Variants in CACHD1 observed in about 807,000 individuals in gnomAD.
The protein encoded by CACHD1 is VWFA and cache domain-containing protein 1.
A neutral mutation model predicts 138.7 loss-of-function variants in CACHD1; 71 were observed. The ratio of observed to expected loss-of-function variants is 0.51; its 90% confidence interval spans 0.42 to 0.62. CACHD1 has a LOEUF of 0.62. Ranked by LOEUF, CACHD1 falls within the 20% of genes least tolerant of loss-of-function variation. The pLI is 0.00. For synonymous variants in CACHD1, 578 were observed against 591.5 expected (o/e 0.98, Z 0.33); for missense variants, 1,389 against 1,625.3 (o/e 0.85, Z 2.50).
chr1:64,683,673 C>T (rs897377750), intron 26 of CACHD1, among the ~76,000 whole-genome samples: 1 of 152,164 alleles, frequency 6.6e-6, no homozygotes, highest in Non-Finnish European at 1.5e-5. Flanking sequence ...CATTTTTCTC[C>T]ATAATTGGAT....
chr1:64,589,761 C>T (rs751641876), intron 3 of CACHD1, among the ~76,000 whole-genome samples: 5 of 152,130 alleles, frequency 3.3e-5, no homozygotes, highest in Non-Finnish European at 5.9e-5. Flanking sequence ...TTAATCTCAT[C>T]TAAAACATTT....
chr1:64,658,723 A>C lies in CACHD1; in HGVS notation c.1801A>C (p.Ile601Leu), dbSNP rs768252455. 1.9e-6 allele frequency: 3 copies of C among 1,610,960 alleles called. No individual in the cohort carries two copies. Among genetic ancestry groups the C allele is most frequent in the African/African-American group, 2.7e-5 (2 of 74,884 alleles). ...AWKMVQDTSF[I>L]LCIVVIQPEI... Reference sequence around the variant, plus strand: ...TTTACAGGTACAAGACACTTCCTTTATTCTGTGTATTGTGGTGATACAACC... The same window carrying C: ...TTTACAGGTACAAGACACTTCCTTTCTTCTGTGTATTGTGGTGATACAACC... Residue 601 changes from isoleucine to leucine, a missense_variant, in exon 13 of 27, where the codon ATT (isoleucine) becomes CTT (leucine). Coordinates refer to ENST00000651257, the MANE Select transcript of CACHD1 (RefSeq NM_020925.4).
At chr1:64,668,326 CAAAA>C (rs531925361) in intron 16 of CACHD1, among the ~76,000 whole-genome samples, 3 of 87,706 alleles carry the variant, frequency 3.4e-5, no homozygotes, top group African/African-American at 8.9e-5. Context: ...GACTGCATCT[CAAAA>C]AAAAAAAAAA....
At chr1:64,475,663 C>T (rs1646170821) in intron 1 of CACHD1, among the ~76,000 whole-genome samples, 1 of 152,162 alleles carries the variant, frequency 6.6e-6, no homozygotes, top group South Asian at 2.1e-4. Flanking sequence ...TCTCCTGCCT[C>T]AGCCTCCTGA....
At chr1:64,502,867 A>C (rs531806285) in intron 1 of CACHD1, among the ~76,000 whole-genome samples, 6 of 152,326 alleles carry the variant, frequency 3.9e-5, no homozygotes, top group Admixed American at 6.5e-5. Context: ...AACTGAACGG[A>C]AAAAGGCTTT....
At chr1:64,484,407 C>A (rs1474230817) in intron 1 of CACHD1, among the ~76,000 whole-genome samples, 2 of 151,926 alleles carry the variant, frequency 1.3e-5, no homozygotes, top group African/African-American at 4.8e-5. Flanking sequence ...TGAAAGAAAG[C>A]CAGGCGGCTG....
intron 4 of CACHD1, among the ~76,000 whole-genome samples, chr1:64,629,090 T>A (rs1192611751): frequency 3.3e-5 from 5 of 152,208 alleles, no homozygotes; most frequent in Non-Finnish European, 1.5e-5. Context: ...ATGAATCATT[T>A]GTACTGGAAA....
At chr1:64,620,546 C>A (rs991642380) in intron 4 of CACHD1, among the ~76,000 whole-genome samples, 16 of 152,140 alleles carry the variant, frequency 1.1e-4, no homozygotes, top group Non-Finnish European at 1.9e-4. Flanking sequence ...TAACAATCCA[C>A]AGTGTACTTT....
chr1:64,479,433 G>A (rs1646196232), intron 1 of CACHD1, among the ~76,000 whole-genome samples: 1 of 152,216 alleles, frequency 6.6e-6, no homozygotes, highest in South Asian at 2.1e-4. Context: ...GTTAGTGAAA[G>A]AGTGGACCTC....
Position 64,673,229 on chromosome 1 carries a change from C to T in CACHD1, c.2582C>T (p.Pro861Leu). ...PTLIDPKGHA[P>L]VEQQHITHKE... The stretch of plus-strand genomic sequence containing the variant: ...CTCATCGACCCCAAAGGACATGCAC[C>T]TGTGGAGCAGCAGCACATCACCCAC... The change falls in exon 18 of 27, where the codon CCT becomes CTT. Residue 861 changes from proline (P) to leucine (L), a missense_variant. Physicochemically the swap from Pro to Leu is moderately conservative, Grantham distance 98. Transcript: ENST00000651257. 1 of 1,614,064 alleles carries T rather than the reference C, an allele frequency of 6.2e-7. No individual in the cohort carries two copies. The highest frequency in any genetic ancestry group is 8.5e-7 in the Non-Finnish European group (1 of 1,179,998).
chr1:64,567,792 A>T (rs1646894205), intron 2 of CACHD1, among the ~76,000 whole-genome samples: 1 of 152,224 alleles, frequency 6.6e-6, no homozygotes, highest in Admixed American at 6.5e-5. Context: ...ACATCAGCTG[A>T]TATAAGATAA....
At chr1:64,476,498 T>C (rs1021220343) in intron 1 of CACHD1, among the ~76,000 whole-genome samples, 16 of 152,346 alleles carry the variant, frequency 1.1e-4, no homozygotes, top group African/African-American at 3.6e-4. Flanking sequence ...TATATGCAAA[T>C]AATGTGATTT....
intron 16 of CACHD1, among the ~76,000 whole-genome samples, chr1:64,666,602 T>A (rs946031414): frequency 6.6e-6 from 1 of 151,746 alleles, no homozygotes; most frequent in African/African-American, 2.4e-5. Flanking sequence ...ACGGGGTGGG[T>A]TCATTGGCTC....
intron 24 of CACHD1, among the ~76,000 whole-genome samples, chr1:64,680,714 A>C (rs895594997): frequency 2.0e-5 from 3 of 152,180 alleles, no homozygotes; most frequent in Non-Finnish European, 4.4e-5. Flanking sequence ...CTGGCCACTT[A>C]GCTCACTCTA....
At position 64,654,714 on chromosome 1, in the gene CACHD1, G is replaced by A. The variant is rs1649207397; in HGVS notation, c.1693G>A (p.Val565Ile). Reference sequence around the variant, plus strand: ...CCCTCTGGGCAGCCAGATTATCGCAGTCCCTGTGAACTCATCCCTGTCTTG... The same window carrying A: ...CCCTCTGGGCAGCCAGATTATCGCAATCCCTGTGAACTCATCCCTGTCTTG... The part of the protein sequence containing the change: ...SLPLGSQIIA[V>I]PVNSSLSWHI... Residue 565 changes from valine (V) to isoleucine (I), a missense_variant, in exon 12 of 27, where the codon GTC becomes ATC. By Grantham distance (29) the Val-to-Ile change is conservative (BLOSUM62 3). Coordinates refer to ENST00000651257, the MANE Select transcript of CACHD1 (RefSeq NM_020925.4). The A allele has an allele frequency of 6.2e-7, 1 of 1,613,654 alleles. No homozygotes were observed. The highest frequency in any genetic ancestry group is 1.3e-5 in the African/African-American group (1 of 74,886).
At chr1:64,678,940 G>A (rs1650081486) in intron 23 of CACHD1, among the ~76,000 whole-genome samples, 1 of 152,098 alleles carries the variant, frequency 6.6e-6, no homozygotes, top group South Asian at 2.1e-4. Context: ...TGGCAGTAGA[G>A]TCAAATATTT....
intron 1 of CACHD1, among the ~76,000 whole-genome samples, chr1:64,514,292 T>C (rs981557733): frequency 5.3e-5 from 8 of 152,318 alleles, no homozygotes; most frequent in African/African-American, 1.9e-4. Flanking sequence ...CAGAGTGATT[T>C]ATCACTTGTT....
intron 7 of CACHD1, among the ~76,000 whole-genome samples, chr1:64,637,041 T>C (rs1020364620): frequency 1.3e-5 from 2 of 152,184 alleles, no homozygotes; most frequent in African/African-American, 4.8e-5. Flanking sequence ...CTTGGTTCAG[T>C]AAGGTCAGTT....
chr1:64,686,734 T>C (rs1488398280), intron 26 of CACHD1, among the ~76,000 whole-genome samples: 2 of 152,264 alleles, frequency 1.3e-5, no homozygotes, highest in East Asian at 1.9e-4. Flanking sequence ...TCAGAAACTT[T>C]ATGTAAGTGT....
Sources: gnomAD v4.1 joint callset for allele counts (sites outside exome capture counted in the v4.1 genomes callset) on GRCh38, gnomAD v4.1.1 for gene constraint, MANE v1.5 for transcripts, NCBI Gene and HGNC (gene_info 2026-07-23, HGNC 2026-07-21) for gene names.